Variants in TBL1Y observed in about 807,000 individuals in gnomAD.
The protein encoded by TBL1Y is transducin beta like 1 Y-linked, also known as F-box-like/WD repeat-containing protein TBL1Y.
TBL1Y carries 15 observed loss-of-function variants against 12.0 expected under a neutral mutation model. The observed-to-expected ratio is 1.25, with a 90% confidence interval of 0.83 to 1.92. The LOEUF (loss-of-function observed/expected upper bound fraction) is 1.92, where lower values mean the gene tolerates loss of function less well. TBL1Y is among the 40% of genes most tolerant of loss of function. The pLI is 0.00. For synonymous variants in TBL1Y, 53 were observed against 42.6 expected (o/e 1.24, Z -0.95); for missense variants, 148 against 116.7 (o/e 1.27, Z -1.24).
intron 8 of TBL1Y, among the ~76,000 whole-genome samples, chrY:7,068,910 A>G: frequency 3.6e-5 from 1 of 27,446 alleles, no homozygotes; most frequent in Non-Finnish European, 8.2e-5. Context: ...TTCCTGCCAG[A>G]TGACACCTTC....
chrY:6,977,285 T>C, intron 2 of TBL1Y, among the ~76,000 whole-genome samples: 4 of 33,103 alleles, frequency 1.2e-4, no homozygotes, highest in African/African-American at 4.7e-4. Context: ...AAACCTCTTA[T>C]GTATGTTCAT....
At chrY:7,026,554 T>G (rs370507724) in intron 6 of TBL1Y, among the ~76,000 whole-genome samples, 150 of 34,010 alleles carry the variant, frequency 4.4e-3, no homozygotes, top group African/African-American at 0.017. Flanking sequence ...ACTCACGGCA[T>G]GTAAACAAGT....
chrY:7,063,850 C>T, intron 7 of TBL1Y, 47 bp from the exon 8 acceptor site: 4 of 394,916 alleles, frequency 1.0e-5, no homozygotes, highest in Non-Finnish European at 1.4e-5. Flanking sequence ...ATTCCCAGAG[C>T]CCTCACCCTT....
chrY:7,020,902 T>C, intron 4 of TBL1Y, among the ~76,000 whole-genome samples: 1 of 33,062 alleles, frequency 3.0e-5, no homozygotes, highest in Non-Finnish European at 7.4e-5. Flanking sequence ...CTGACCTGTT[T>C]CTGTGTTTTT....
At chrY:6,986,637 GGCCGCCA>G (rs2012319562) in intron 3 of TBL1Y, among the ~76,000 whole-genome samples, 2 of 31,186 alleles carry the variant, frequency 6.4e-5, no homozygotes, top group Admixed American at 5.9e-4. Context: ...GTGTCTGTGT[GGCCGCCA>G]GTCTGAGTAG....
intron 4 of TBL1Y, among the ~76,000 whole-genome samples, chrY:7,010,159 A>G: frequency 3.0e-5 from 1 of 33,546 alleles, no homozygotes; most frequent in Non-Finnish European, 7.4e-5. Context: ...GATTAACAAA[A>G]TGAAGGGCTT....
intron 14 of TBL1Y, among the ~76,000 whole-genome samples, chrY:7,085,535 G>T (rs2013124322): frequency 3.1e-5 from 1 of 32,690 alleles, no homozygotes; most frequent in African/African-American, 1.2e-4. Context: ...AAAAGGAAGA[G>T]TGCGTACGAA....
intron 7 of TBL1Y, among the ~76,000 whole-genome samples, chrY:7,051,374 G>T: frequency 3.1e-5 from 1 of 32,165 alleles, no homozygotes; most frequent in Non-Finnish European, 7.5e-5. Context: ...AGGGTGGCAG[G>T]CACCTGTAAT....
At chrY:6,979,188 C>T in intron 3 of TBL1Y, among the ~76,000 whole-genome samples, 5 of 33,350 alleles carry the variant, frequency 1.5e-4, no homozygotes, top group African/African-American at 2.4e-4. Context: ...CCACCTTGGC[C>T]TCCAGAGTGC....
chrY:7,065,273 A>G, intron 8 of TBL1Y, among the ~76,000 whole-genome samples: 1 of 33,025 alleles, frequency 3.0e-5, no homozygotes, highest in African/African-American at 1.2e-4. Context: ...AATAAGTCTC[A>G]TGAGATCTTA....
intron 2 of TBL1Y, among the ~76,000 whole-genome samples, chrY:6,923,456 T>C (rs569750542): frequency 3.2e-3 from 111 of 34,263 alleles, no homozygotes; most frequent in African/African-American, 0.011. Flanking sequence ...GAAGTTTACG[T>C]ATATATGTGG....
In TBL1Y at chrY:7,024,181, G is replaced by A; in HGVS notation, c.-50-854G>A. On this transcript the variant is annotated intron_variant, in intron 5 of 18. Transcript: ENST00000383032. Reference sequence around the variant, plus strand: ...GAATTTGCGTTGGTTCCAAGGCTTTGCTGTTGTGAACGGTGCTACAATAAC... The same window carrying A: ...GAATTTGCGTTGGTTCCAAGGCTTTACTGTTGTGAACGGTGCTACAATAAC... Among the ~76,000 whole-genome samples the A allele has an allele frequency of 1.2e-4, 4 of 33,571 alleles. No individual in the cohort carries two copies. In the East Asian group the frequency reaches 3.1e-3, roughly 26 times the overall value. 90.1% of individuals were successfully genotyped at this position (33,571 alleles called of 37,273 possible). A position where few individuals can be genotyped will look rare whatever the true frequency, so the allele number is the denominator to read the frequency against.
chrY:7,011,316 CT>C (rs2012518238), intron 4 of TBL1Y, among the ~76,000 whole-genome samples: 3 of 34,105 alleles, frequency 8.8e-5, no homozygotes, highest in Non-Finnish European at 2.2e-4. Flanking sequence ...CACTGTCCCC[CT>C]GGGGGGCAAC....
intron 13 of TBL1Y, 122 bp downstream of exon 13, chrY:7,074,742 A>G: frequency 5.2e-6 from 1 of 192,980 alleles, no homozygotes; most frequent in Non-Finnish European, 8.9e-6. Context: ...CTTGAGTCTC[A>G]TGTCTCAAGT....
At chrY:7,085,376 T>C (rs754840803) in intron 14 of TBL1Y, among the ~76,000 whole-genome samples, 494 of 31,125 alleles carry the variant, frequency 0.016, no homozygotes, top group Middle Eastern at 0.12. Context: ...TGGTAGGGCC[T>C]GTCTTTAGTC....
At chrY:6,957,719 T>C in intron 2 of TBL1Y, among the ~76,000 whole-genome samples, 6 of 33,587 alleles carry the variant, frequency 1.8e-4, no homozygotes, top group Non-Finnish European at 3.7e-4. Context: ...CTAGATGCAA[T>C]TGGAGTCCCA....
intron 13 of TBL1Y, among the ~76,000 whole-genome samples, chrY:7,078,622 A>G (rs2013075345): frequency 3.0e-5 from 1 of 33,620 alleles, no homozygotes; most frequent in Non-Finnish European, 7.4e-5. Flanking sequence ...TGCATTTTAC[A>G]TGTAATTGAA....
intron 3 of TBL1Y, among the ~76,000 whole-genome samples, chrY:6,989,126 C>T: frequency 3.1e-5 from 1 of 32,028 alleles, no homozygotes; most frequent in Admixed American, 2.9e-4. Context: ...AGGCTGAGGT[C>T]GGAGAATGGC....
chrY:6,990,621 C>T, intron 3 of TBL1Y, among the ~76,000 whole-genome samples: 1 of 22,078 alleles, frequency 4.5e-5, no homozygotes, highest in African/African-American at 1.9e-4. Flanking sequence ...TGCAGTGGCG[C>T]GATCTCAGCT....
Sources: allele counts gnomAD v4.1 joint callset (sites outside exome capture counted in the v4.1 genomes callset), GRCh38; gene constraint gnomAD v4.1.1; transcripts MANE v1.5; gene names NCBI Gene and HGNC (gene_info 2026-07-23, HGNC 2026-07-21).